The following NR6A1 variants were observed in gnomAD, a reference collection of about 807,000 sequenced individuals.
NR6A1 encodes retinoic acid receptor-related testis-associated receptor.
In NR6A1, 7 loss-of-function variants were observed where a neutral mutation model predicts 59.1. That is an observed-to-expected ratio of 0.12 (90% CI 0.07 to 0.22). NR6A1 has a LOEUF of 0.22. Ranked by LOEUF, NR6A1 falls within the 10% of genes least tolerant of loss-of-function variation. The probability of loss-of-function intolerance (pLI) is 1.00; values close to 1 mark genes in which losing one functional copy is unlikely to be tolerated. For synonymous variants in NR6A1, 243 were observed against 236.1 expected (o/e 1.03, Z -0.27); for missense variants, 468 against 611.6 (o/e 0.77, Z 2.48).
At chr9:124,691,279 A>G (rs1024526991) in intron 2 of NR6A1, among the ~76,000 whole-genome samples, 1 of 152,218 alleles carries the variant, frequency 6.6e-6, no homozygotes, top group Admixed American at 6.5e-5. Flanking sequence ...GAAGGTAAAC[A>G]GTTTACATTC....
At chr9:124,569,779 G>A (rs768554159) in intron 2 of NR6A1, among the ~76,000 whole-genome samples, 50 of 152,064 alleles carry the variant, frequency 3.3e-4, no homozygotes, top group Non-Finnish European at 6.3e-4. Context: ...AAAAATCATC[G>A]CACTGTTCCT....
At chr9:124,715,821 C>T (rs1839404101) in intron 2 of NR6A1, among the ~76,000 whole-genome samples, 1 of 152,082 alleles carries the variant, frequency 6.6e-6, no homozygotes, top group Admixed American at 6.6e-5. Context: ...TTATAGTAAT[C>T]AAGACACTAT....
intron 2 of NR6A1, among the ~76,000 whole-genome samples, chr9:124,623,397 T>G (rs1316583439): frequency 6.6e-6 from 1 of 152,132 alleles, no homozygotes; most frequent in African/African-American, 2.4e-5. Flanking sequence ...GGTCTTGTTC[T>G]GTCACCCAGG....
chr9:124,565,203 C>T (rs546225853), intron 2 of NR6A1, among the ~76,000 whole-genome samples: 68 of 151,962 alleles, frequency 4.5e-4, no homozygotes, highest in Non-Finnish European at 8.7e-4. Context: ...CTCTGGCGGG[C>T]GGATCATGAG....
In NR6A1 at chr9:124,586,653, T is replaced by G. The variant is rs534109299; in HGVS notation, c.143-32083A>C. ...CAGTAGAGACGAGGTCTCACTATGTTGCCCAGGCTGGTCCCCAAGTCCTGA... is the reference window on the plus strand; with the variant it reads ...CAGTAGAGACGAGGTCTCACTATGTGGCCCAGGCTGGTCCCCAAGTCCTGA... On this transcript the variant is annotated intron_variant, in intron 2 of 9. Coordinates refer to ENST00000487099, the MANE Select transcript of NR6A1 (RefSeq NM_033334.4). Among the ~76,000 whole-genome samples the G allele has an allele frequency of 3.3e-5, 5 of 152,182 alleles. No homozygotes were observed. In the East Asian group the frequency reaches 9.7e-4, roughly 29 times the overall value.
At chr9:124,634,584 G>A (rs1297305137) in intron 2 of NR6A1, among the ~76,000 whole-genome samples, 5 of 152,092 alleles carry the variant, frequency 3.3e-5, no homozygotes, top group Non-Finnish European at 5.9e-5. Flanking sequence ...CACTTTGGGA[G>A]GCCAAGGCAG....
At chr9:124,569,943 A>G (rs1009392710) in intron 2 of NR6A1, among the ~76,000 whole-genome samples, 3 of 152,172 alleles carry the variant, frequency 2.0e-5, no homozygotes, top group African/African-American at 7.2e-5. Flanking sequence ...ACTATTTGGG[A>G]GTTATTCTTA....
chr9:124,593,695 C>T (rs1373586910), intron 2 of NR6A1, among the ~76,000 whole-genome samples: 4 of 152,092 alleles, frequency 2.6e-5, no homozygotes, highest in Admixed American at 2.0e-4. Context: ...AGAATTCATT[C>T]GGTGTCATTG....
intron 2 of NR6A1, among the ~76,000 whole-genome samples, chr9:124,711,129 C>T (rs1380027230): frequency 4.2e-5 from 6 of 143,424 alleles, no homozygotes; most frequent in Non-Finnish European, 4.5e-5. Flanking sequence ...AATTATGAAC[C>T]GGAAAGCAGG....
chr9:124,544,989 T>C (rs1833556615), intron 3 of NR6A1, among the ~76,000 whole-genome samples: 2 of 152,152 alleles, frequency 1.3e-5, no homozygotes, highest in Non-Finnish European at 2.9e-5. Flanking sequence ...TGCTAGGATA[T>C]ACCTGCCACT....
intron 2 of NR6A1, among the ~76,000 whole-genome samples, chr9:124,611,749 T>TAGAGAGAGAGAGAGAG (rs34197337): frequency 7.7e-5 from 7 of 91,490 alleles, no homozygotes; most frequent in African/African-American, 2.6e-4. Flanking sequence ...GACCCTGTCT[T>TAGAGAGAGAGAGAGAG]AGAGAGAGAG....
At chr9:124,666,843 C>A (rs937577343) in intron 2 of NR6A1, among the ~76,000 whole-genome samples, 5 of 152,138 alleles carry the variant, frequency 3.3e-5, no homozygotes, top group African/African-American at 1.2e-4. Context: ...TGAGCACTTA[C>A]TGACATTGTG....
intron 2 of NR6A1, among the ~76,000 whole-genome samples, chr9:124,637,969 G>A (rs576230174): frequency 2.0e-5 from 3 of 151,732 alleles, no homozygotes; most frequent in South Asian, 2.1e-4. Flanking sequence ...ATGGGGCTGC[G>A]CATGATAGCT....
chr9:124,625,920 T>G (rs535829111), intron 2 of NR6A1, among the ~76,000 whole-genome samples: 64 of 152,342 alleles, frequency 4.2e-4, no homozygotes, highest in African/African-American at 1.3e-3. Context: ...ACCGTAGGTG[T>G]CTGGCCTGCA....
chr9:124,523,433 G>C (rs1328063060), intron 9 of NR6A1, among the ~76,000 whole-genome samples: 1 of 152,090 alleles, frequency 6.6e-6, no homozygotes, highest in African/African-American at 2.4e-5. Context: ...GAGTGACCTG[G>C]GGAGCCGTTC....
At chr9:124,578,788 C>G (rs1173012161) in intron 2 of NR6A1, among the ~76,000 whole-genome samples, 2 of 152,212 alleles carry the variant, frequency 1.3e-5, no homozygotes, top group African/African-American at 4.8e-5. Context: ...ACATATAGCC[C>G]TATATCATGA....
chr9:124,584,716 C>T (rs1326971666), intron 2 of NR6A1, among the ~76,000 whole-genome samples: 1 of 152,144 alleles, frequency 6.6e-6, no homozygotes, highest in Non-Finnish European at 1.5e-5. Context: ...CTCCTTCTCT[C>T]CCCTTGGGCC....
At chr9:124,689,168 T>C (rs1010581764) in intron 2 of NR6A1, among the ~76,000 whole-genome samples, 4 of 152,200 alleles carry the variant, frequency 2.6e-5, no homozygotes, top group Non-Finnish European at 4.4e-5. Flanking sequence ...TTTTATTTAT[T>C]AACATAGAAA....
At chr9:124,539,130 C>A (rs928301948) in intron 5 of NR6A1, among the ~76,000 whole-genome samples, 1 of 152,064 alleles carries the variant, frequency 6.6e-6, no homozygotes, top group Admixed American at 6.5e-5. Flanking sequence ...GTCTTGAACT[C>A]CTGGACTTAA....
Sources: allele counts gnomAD v4.1 joint callset (sites outside exome capture counted in the v4.1 genomes callset), GRCh38; gene constraint gnomAD v4.1.1; transcripts MANE v1.5; gene names NCBI Gene and HGNC (gene_info 2026-07-23, HGNC 2026-07-21).